NAALADL2: variants seen among roughly 807,000 people sequenced by gnomAD.
The protein encoded by NAALADL2 is N-acetylated alpha-linked acidic dipeptidase like 2, also known as inactive N-acetylated-alpha-linked acidic dipeptidase-like protein 2.
Under a neutral mutation model 87.2 loss-of-function variants are expected in NAALADL2, and 76 were observed. That is an observed-to-expected ratio of 0.87 (90% CI 0.72 to 1.05). NAALADL2 has a LOEUF of 1.05. Among genes scored for constraint, NAALADL2 ranks in the 50% least tolerant of loss-of-function variants. The pLI is 0.00. For synonymous variants in NAALADL2, 354 were observed against 331.0 expected (o/e 1.07, Z -0.75); for missense variants, 1,089 against 945.8 (o/e 1.15, Z -1.99).
intron 4 of NAALADL2, among the ~76,000 whole-genome samples, chr3:175,272,129 C>A (rs1324023631): frequency 6.6e-6 from 1 of 152,118 alleles, no homozygotes; most frequent in Non-Finnish European, 1.5e-5. Context: ...GGTTTTGTGA[C>A]CTAAGAGACT....
In NAALADL2 at chr3:175,169,865, C is replaced by A. The variant is rs2108901297; in HGVS notation, c.546-64066C>A. Among the ~76,000 whole-genome samples the A allele has an allele frequency of 2.0e-5, 3 of 151,918 alleles. No individual in the cohort carries two copies. In the South Asian group the frequency reaches 6.2e-4, roughly 31 times the overall value. ...AAGTTTCTGATATAGCTTGCAGTTGCAGGTGGTGGTTTACACAATTTAACA... is the reference window on the plus strand; with the variant it reads ...AAGTTTCTGATATAGCTTGCAGTTGAAGGTGGTGGTTTACACAATTTAACA... On this transcript the variant is annotated intron_variant, in intron 2 of 13. Transcript: ENST00000454872.
intron 2 of NAALADL2, among the ~76,000 whole-genome samples, chr3:174,698,536 A>G (rs1338087259): frequency 6.6e-6 from 1 of 151,972 alleles, no homozygotes; most frequent in Non-Finnish European, 1.5e-5. Context: ...GAGATTCTCT[A>G]GTTTCCTTGT....
At chr3:174,649,543 C>T (rs538943174) in intron 2 of NAALADL2, among the ~76,000 whole-genome samples, 91 of 151,984 alleles carry the variant, frequency 6.0e-4, no homozygotes, top group Non-Finnish European at 1.1e-3. Flanking sequence ...TTGAAAACTA[C>T]ATATATGCTC....
At chr3:175,605,649 T>TGTTTGTTTG (rs796894544) in intron 10 of NAALADL2, among the ~76,000 whole-genome samples, 1,723 of 149,288 alleles carry the variant, frequency 0.012, 43 homozygotes, top group African/African-American at 0.04. Context: ...TGTTTTTTTT[T>TGTTTGTTTG]TTTTTTTAAC....
intron 13 of NAALADL2, among the ~76,000 whole-genome samples, chr3:175,799,994 C>G (rs1365942928): frequency 1.3e-5 from 2 of 152,120 alleles, no homozygotes; most frequent in African/African-American, 4.8e-5. Flanking sequence ...CTAACATTTC[C>G]TGGTACTGGA....
chr3:175,357,634 C>T (rs1764538315), intron 5 of NAALADL2, among the ~76,000 whole-genome samples: 1 of 152,068 alleles, frequency 6.6e-6, no homozygotes. Context: ...ATATATGCAA[C>T]AAACACACAA....
intron 4 of NAALADL2, among the ~76,000 whole-genome samples, chr3:175,262,423 C>A (rs142041309): frequency 2.0e-5 from 3 of 151,818 alleles, no homozygotes; most frequent in Admixed American, 6.6e-5. Context: ...ACTTTTCTTG[C>A]GGTAGAAGTT....
intron 1 of NAALADL2, among the ~76,000 whole-genome samples, chr3:174,987,594 A>AAAAAAAAAAAAC (rs1746094855): frequency 1.4e-5 from 2 of 143,218 alleles, no homozygotes; most frequent in African/African-American, 2.7e-5. Flanking sequence ...AAAAAAAAAA[A>AAAAAAAAAAAAC]AAAACAATAC....
chr3:175,351,081 T>C (rs73184780), intron 5 of NAALADL2, among the ~76,000 whole-genome samples: 1,576 of 152,274 alleles, frequency 0.01, 15 homozygotes, highest in Non-Finnish European at 0.015. Flanking sequence ...GTTCAGTAAA[T>C]GTGCTGCAAA....
At chr3:175,181,862 A>G (rs1043099585) in intron 2 of NAALADL2, among the ~76,000 whole-genome samples, 1 of 151,256 alleles carries the variant, frequency 6.6e-6, no homozygotes, top group African/African-American at 2.4e-5. Flanking sequence ...CATGAACATG[A>G]AAATGATGAT....
At chr3:175,068,102 A>G (rs7626203) in intron 1 of NAALADL2, among the ~76,000 whole-genome samples, 38,318 of 151,830 alleles carry the variant, frequency 0.25, 7,675 homozygotes, top group African/African-American at 0.56. Context: ...GGGGGAAAGG[A>G]AGGTGGGGCA....
At chr3:175,067,294 A>C (rs1198425944) in intron 1 of NAALADL2, among the ~76,000 whole-genome samples, 1 of 152,158 alleles carries the variant, frequency 6.6e-6, no homozygotes, top group Admixed American at 6.6e-5. Flanking sequence ...AGCTATCAGC[A>C]GAGTAATCAG....
At chr3:175,564,768 T>C (rs1389398131) in intron 9 of NAALADL2, among the ~76,000 whole-genome samples, 1 of 152,232 alleles carries the variant, frequency 6.6e-6, no homozygotes, top group East Asian at 1.9e-4. Context: ...GTTTATCCAG[T>C]GTCTTGGCCA....
At chr3:174,557,853 A>G (rs1263033339) in intron 2 of NAALADL2, among the ~76,000 whole-genome samples, 2 of 152,184 alleles carry the variant, frequency 1.3e-5, no homozygotes, top group Non-Finnish European at 2.9e-5. Flanking sequence ...TGTATGGGGA[A>G]ACCAGGCACA....
chr3:175,407,435 G>A (rs1712611701), intron 5 of NAALADL2, among the ~76,000 whole-genome samples: 1 of 152,060 alleles, frequency 6.6e-6, no homozygotes, highest in Non-Finnish European at 1.5e-5. Flanking sequence ...TGATCTCAAG[G>A]AAAGCAAAGC....
At chr3:175,135,168 G>C (rs1049169450) in intron 2 of NAALADL2, among the ~76,000 whole-genome samples, 3 of 152,070 alleles carry the variant, frequency 2.0e-5, no homozygotes, top group Non-Finnish European at 2.9e-5. Flanking sequence ...TAAAATCGCT[G>C]TAAGTGTTCT....
In NAALADL2 at chr3:175,438,886, G is replaced by A. The variant is rs116810178; in HGVS notation, c.1091-8343G>A. Reference sequence around the variant, plus strand: ...TTATTTTGATAGGTTTTGGGGGAACGGGTGGTGTTTGGTTATATGAATAAG... The same window carrying A: ...TTATTTTGATAGGTTTTGGGGGAACAGGTGGTGTTTGGTTATATGAATAAG... On this transcript the variant is annotated intron_variant, in intron 5 of 13. Coordinates refer to ENST00000454872, the MANE Select transcript of NAALADL2 (RefSeq NM_207015.3). Among the ~76,000 whole-genome samples, 764 of 151,986 alleles carry A rather than the reference G, an allele frequency of 5.0e-3. 5 individuals are homozygous for A. Among genetic ancestry groups the A allele is most frequent in the Non-Finnish European group, 8.2e-3 (554 of 67,946 alleles).
chr3:175,204,866 A>G (rs956676936), intron 2 of NAALADL2, among the ~76,000 whole-genome samples: 8 of 152,032 alleles, frequency 5.3e-5, no homozygotes, highest in African/African-American at 1.9e-4. Flanking sequence ...AATAATAATA[A>G]TAAAATAAAA....
At chr3:175,181,176 C>A (rs1314351055) in intron 2 of NAALADL2, among the ~76,000 whole-genome samples, 1 of 152,064 alleles carries the variant, frequency 6.6e-6, no homozygotes, top group African/African-American at 2.4e-5. Context: ...TGATCTAGAT[C>A]TATTTATCCT....
Sources: gnomAD v4.1 joint callset for allele counts (sites outside exome capture counted in the v4.1 genomes callset) on GRCh38, gnomAD v4.1.1 for gene constraint, MANE v1.5 for transcripts, NCBI Gene and HGNC (gene_info 2026-07-23, HGNC 2026-07-21) for gene names.